CATSPERD: variants seen among roughly 807,000 people sequenced by gnomAD.
CATSPERD encodes the protein catsper channel auxiliary subunit delta.
In CATSPERD, 86 loss-of-function variants were observed where a neutral mutation model predicts 98.1. That is an observed-to-expected ratio of 0.88 (90% CI 0.74 to 1.05). The LOEUF is 1.05. Among genes scored for constraint, CATSPERD ranks in the 50% least tolerant of loss-of-function variants. The pLI, the probability that CATSPERD is intolerant of heterozygous loss-of-function variation, is 0.00. For synonymous variants in CATSPERD, 394 were observed against 390.2 expected, an observed-to-expected ratio of 1.01 and a Z score of -0.12; for missense variants, 995 against 1,005.7, an observed-to-expected ratio of 0.99 and a Z score of 0.14.
At chr19:5,772,380 A>T in intron 19 of CATSPERD, 1 of 255,282 alleles carries the variant, frequency 3.9e-6, no homozygotes, top group South Asian at 3.4e-5. Flanking sequence ...GGCGCCCGCC[A>T]CTGCGCCCGG....
At chr19:5,761,732 C>T (rs1172610301) in intron 15 of CATSPERD, among the ~76,000 whole-genome samples, 5 of 149,416 alleles carry the variant, frequency 3.3e-5, no homozygotes, top group Admixed American at 1.3e-4. Context: ...GATGGAGCTT[C>T]GCTCTTGTTG....
chr19:5,761,365 G>A (rs968805865), intron 15 of CATSPERD, among the ~76,000 whole-genome samples: 1 of 104,438 alleles, frequency 9.6e-6, no homozygotes, highest in South Asian at 3.2e-4. Flanking sequence ...GCCTCCCAAA[G>A]TGCTAGAATT....
intron 13 of CATSPERD, among the ~76,000 whole-genome samples, chr19:5,755,503 C>T (rs2145800019): frequency 6.6e-6 from 1 of 152,238 alleles, no homozygotes; most frequent in South Asian, 2.1e-4. Flanking sequence ...GGCGCGGTGG[C>T]TCCCGCCCGT....
At chr19:5,759,271 CT>C in intron 15 of CATSPERD, 127 bp downstream of exon 15, 1 of 906,500 alleles carries the variant, frequency 1.1e-6, no homozygotes, top group Non-Finnish European at 1.8e-6. Context: ...GATTACAACA[CT>C]TTACAAGAGC....
At position 5,733,331 on chromosome 19, in the gene CATSPERD, CT is replaced by C. The variant is rs2055767927; in HGVS notation, c.277-522del. On this transcript the variant is annotated intron_variant, in intron 4 of 21. Coordinates refer to ENST00000381624, the MANE Select transcript of CATSPERD (RefSeq NM_152784.4). ...TTTTTCTTTCTTTCTTTCTTTCTTT[CT>C]TTCCTTTCTTTCTTTCTTCCTTCCT... is the stretch of plus-strand genomic sequence containing the variant. Among the ~76,000 whole-genome samples the C allele has an allele frequency of 1.8e-4, 25 of 140,050 alleles. No individual in the cohort carries two copies. In the South Asian group the frequency reaches 5.2e-3, roughly 29 times the overall value. The allele number at this position is 140,050 out of a possible 152,430, so 91.9% of individuals were successfully genotyped here.
At chr19:5,739,073 CAAGCTGGTCTTG>C (rs1192397728) in intron 6 of CATSPERD, among the ~76,000 whole-genome samples, 1 of 151,950 alleles carries the variant, frequency 6.6e-6, no homozygotes, top group Non-Finnish European at 1.5e-5. Flanking sequence ...TTATGTTGGC[CAAGCTGGTCTTG>C]AACTCCTGGT....
intron 5 of CATSPERD, among the ~76,000 whole-genome samples, chr19:5,734,300 C>T (rs945832313): frequency 1.3e-5 from 2 of 152,224 alleles, no homozygotes; most frequent in Admixed American, 6.5e-5. Context: ...GTCAGGAGTT[C>T]GAGACCAGCC....
chr19:5,747,400 T>C (rs2145762632), intron 9 of CATSPERD, among the ~76,000 whole-genome samples: 1 of 151,926 alleles, frequency 6.6e-6, no homozygotes, highest in African/African-American at 2.4e-5. Flanking sequence ...ACTCCTGGGT[T>C]CAAGCAATCC....
intron 13 of CATSPERD, 98 bp downstream of exon 13, chr19:5,754,343 A>G: frequency 1.5e-6 from 1 of 678,368 alleles, no homozygotes; most frequent in East Asian, 3.0e-5. Context: ...CCCCACAAGG[A>G]GAGACGCTAC....
intron 13 of CATSPERD, among the ~76,000 whole-genome samples, chr19:5,754,790 T>C (rs141594516): frequency 1.4e-4 from 22 of 152,072 alleles, no homozygotes; most frequent in African/African-American, 5.1e-4. Context: ...GCCCTTGTGC[T>C]GTCTCTGTGC....
chr19:5,733,307 T>TTTCTTTCTTTCTTTCTTTCTTTC (rs1568343566), intron 4 of CATSPERD, among the ~76,000 whole-genome samples: 239 of 146,968 alleles, frequency 1.6e-3, no homozygotes, highest in African/African-American at 5.9e-3. Context: ...TTCTTTTTCT[T>TTTCTTTCTTTCTTTCTTTCTTTC]TTTCTTTCTT....
intron 6 of CATSPERD, 108 bp from the exon 7 acceptor site, chr19:5,739,218 C>G: frequency 1.5e-6 from 1 of 689,274 alleles, no homozygotes; most frequent in Middle Eastern, 4.0e-4. Context: ...CACGTCCAGA[C>G]ATCCAGGTTT....
chr19:5,759,121 G>A lies in CATSPERD; in HGVS notation c.1404G>A (p.Arg468=), dbSNP rs1460499710. The A allele has an allele frequency of 4.3e-6, 7 of 1,613,874 alleles. No homozygotes were observed. In the Admixed American group the frequency reaches 1.2e-4, roughly 27 times the overall value. The change falls in exon 15 of 22, where the codon AGG becomes AGA. Residue 468 remains arginine, a synonymous_variant. Transcript: ENST00000381624. ...TAAAACAGCAGCAGCACTGGGGCAGGACCGACTCCAACTTCACTTCCAGGT... is the reference window on the plus strand; with the variant it reads ...TAAAACAGCAGCAGCACTGGGGCAGAACCGACTCCAACTTCACTTCCAGGT... ...IFLKQQQHWG[R]TDSNFTSSLK... is the part of the protein sequence containing the mutation.
intron 16 of CATSPERD, among the ~76,000 whole-genome samples, chr19:5,765,890 A>G (rs1204923648): frequency 6.6e-6 from 1 of 152,106 alleles, no homozygotes; most frequent in Non-Finnish European, 1.5e-5. Context: ...AGGCGACACC[A>G]GGAGTTTAGC....
intron 17 of CATSPERD, 40 bp from the exon 18 acceptor site, chr19:5,768,128 T>G: frequency 3.2e-6 from 5 of 1,582,708 alleles, no homozygotes; most frequent in Non-Finnish European, 4.3e-6. Context: ...TGGTTCTTTG[T>G]GAGGTCATGC....
At position 5,720,674 on chromosome 19, in the gene CATSPERD, TCG is replaced by T. The variant is rs1375600350; in HGVS notation, c.-63_-62del. The T allele has an allele frequency of 7.7e-5, 116 of 1,514,168 alleles. No homozygotes were observed. The highest frequency in any genetic ancestry group is 1.0e-4 in the Non-Finnish European group (111 of 1,107,818). The allele number at this position is 1,514,168 out of a possible 1,614,324, so 93.8% of individuals were successfully genotyped here. ...GCGCAGGGCTTCAGCCTGCACGTAC[TCG>T]GATTGTGCAGCGACTCCCCGTGGCG... On this transcript the variant is annotated 5_prime_UTR_variant, in exon 1 of 22. It introduces an in-frame stop codon into an upstream open reading frame of the 5' UTR. Transcript: ENST00000381624.
chr19:5,757,138 T>C (rs2056338323), intron 13 of CATSPERD, among the ~76,000 whole-genome samples: 1 of 150,918 alleles, frequency 6.6e-6, no homozygotes, highest in African/African-American at 2.4e-5. Context: ...TAATCCCAAC[T>C]ACTTGGGAGG....
Position 5,777,226 on chromosome 19 carries a change from T to TGCCTTCTCTAGAGGCCCC in CATSPERD, c.2096+912_2096+929dup, listed in dbSNP as rs1446252558. Among the ~76,000 whole-genome samples the TGCCTTCTCTAGAGGCCCC allele has an allele frequency of 1.4e-3, 213 of 152,164 alleles. 2 individuals are homozygous for TGCCTTCTCTAGAGGCCCC. In the East Asian group the frequency reaches 0.034, roughly 24 times the overall value. ...CTGAAAAAAAAACACGTGGAGGTCC[T>TGCCTTCTCTAGAGGCCCC]GCCTTCTCTAGAGGCCCCAGACTAG... On this transcript the variant is annotated intron_variant, in intron 21 of 21. Coordinates refer to ENST00000381624, the MANE Select transcript of CATSPERD (RefSeq NM_152784.4).
chr19:5,748,385 C>T, intron 10 of CATSPERD, 130 bp downstream of exon 10: 1 of 789,294 alleles, frequency 1.3e-6, no homozygotes, highest in Non-Finnish European at 2.1e-6. Flanking sequence ...AATTCCAGCA[C>T]TTTGGGAGGC....
Sources: gnomAD v4.1 joint callset for allele counts (sites outside exome capture counted in the v4.1 genomes callset) on GRCh38, gnomAD v4.1.1 for gene constraint, MANE v1.5 for transcripts, NCBI Gene and HGNC (gene_info 2026-07-23, HGNC 2026-07-21) for gene names.